Variants in PRPF18 observed in about 807,000 individuals in gnomAD.
The protein encoded by PRPF18 is pre-mRNA-splicing factor 18.
Under a neutral mutation model 46.5 loss-of-function variants are expected in PRPF18, and 38 were observed. That is an observed-to-expected ratio of 0.82 (90% CI 0.63 to 1.07). PRPF18 has a LOEUF of 1.07. Ranked by LOEUF, PRPF18 falls within the 50% of genes least tolerant of loss-of-function variation. PRPF18 has a pLI of 0.00. For synonymous variants in PRPF18, 152 were observed against 146.7 expected (o/e 1.04, Z -0.26); for missense variants, 263 against 410.0 (o/e 0.64, Z 3.10).
intron 8 of PRPF18, among the ~76,000 whole-genome samples, chr10:13,615,634 A>G (rs2478124): frequency 0.75 from 114,370 of 152,008 alleles, 43,797 homozygotes; most frequent in Non-Finnish European, 0.82. Context: ...CTGGCTTTAT[A>G]AGCTTCTCTT....
chr10:13,654,683 T>C, the PRPF18 span: 41 of 599,778 alleles, frequency 6.8e-5, no homozygotes, highest in Non-Finnish European at 1.2e-4. Context: ...ATGGTCACAG[T>C]GGGCAACCAT....
rs1589129624 is a variant in PRPF18, at chr10:13,611,504, A to G, written c.511-111A>G. ...GAAATTCCATCCGATTTTTAAGTAA[A>G]AATTGAACAGCATATGTGACCAAGA... On this transcript the variant is annotated intron_variant, in intron 5 of 9. Transcript: ENST00000378572. 3 of 822,084 alleles carry G rather than the reference A, an allele frequency of 3.6e-6. No individual in the cohort carries two copies. In the African/African-American group the frequency reaches 5.3e-5, roughly 15 times the overall value. 50.9% of individuals were successfully genotyped at this position (822,084 alleles called of 1,614,324 possible). A position where few individuals can be genotyped will look rare whatever the true frequency, so the allele number is the denominator to read the frequency against.
At chr10:13,611,449 C>A (rs1049031376) in intron 5 of PRPF18, among the ~76,000 whole-genome samples, 166 bp from the exon 6 acceptor site, 1 of 152,116 alleles carries the variant, frequency 6.6e-6, no homozygotes, top group Non-Finnish European at 1.5e-5. Flanking sequence ...AGTGGCAAAT[C>A]CGTGTTTTTT....
chr10:13,612,581 C>T (rs1033162473), intron 6 of PRPF18, among the ~76,000 whole-genome samples: 1 of 150,002 alleles, frequency 6.7e-6, no homozygotes, highest in African/African-American at 2.4e-5. Context: ...CACAGTGTCC[C>T]GCTGAATTTC....
Position 13,586,969 on chromosome 10 carries a change from G to T in PRPF18, c.-118G>T, listed in dbSNP as rs1378728434. 2 of 1,058,306 alleles carry T rather than the reference G, an allele frequency of 1.9e-6. No homozygotes were observed. The highest frequency in any genetic ancestry group is 1.6e-5 in the African/African-American group (1 of 63,996). The allele number at this position is 1,058,306 out of a possible 1,614,324, so 65.6% of individuals were successfully genotyped here. ...CCGCCGGAAGCGGCTCCTGTCAGTT[G>T]TTCTCAGGTGTTTGGGCTTGTTGTT... On this transcript the variant is annotated 5_prime_UTR_variant, in exon 1 of 10. Transcript: ENST00000378572.
intron 9 of PRPF18, among the ~76,000 whole-genome samples, chr10:13,623,726 T>TA (rs1413440963): frequency 6.6e-5 from 10 of 152,216 alleles, no homozygotes; most frequent in Non-Finnish European, 1.0e-4. Flanking sequence ...TCTGCAATAA[T>TA]AAAAAAATTG....
At chr10:13,604,054 C>A (rs1159382811) in intron 3 of PRPF18, among the ~76,000 whole-genome samples, 1 of 152,188 alleles carries the variant, frequency 6.6e-6, no homozygotes, top group Admixed American at 6.5e-5. Context: ...ACATCTCTGT[C>A]TAAACAATGG....
At chr10:13,604,119 G>C (rs992513296) in intron 3 of PRPF18, among the ~76,000 whole-genome samples, 12 of 152,192 alleles carry the variant, frequency 7.9e-5, no homozygotes, top group Non-Finnish European at 1.8e-4. Flanking sequence ...CCAGGGATCT[G>C]ACAAGGGTGT....
At chr10:13,652,232 T>G in the PRPF18 span, 3 of 526,250 alleles carry the variant, frequency 5.7e-6, no homozygotes, top group South Asian at 4.8e-5. Flanking sequence ...GCAAACAGTT[T>G]ATGCCAAGAA....
intron 1 of PRPF18, chr10:13,592,375 C>T (rs761872085): frequency 1.1e-5 from 3 of 263,172 alleles, no homozygotes; most frequent in South Asian, 1.0e-4. Flanking sequence ...TTAGAAAACA[C>T]GGGTCAGGGA....
chr10:13,652,243 C>A, the PRPF18 span: 1 of 502,616 alleles, frequency 2.0e-6, no homozygotes, highest in Non-Finnish European at 3.6e-6. Context: ...ATGCCAAGAA[C>A]CAAAATTGCT....
the PRPF18 span, chr10:13,645,357 A>G: frequency 4.6e-5 from 1 of 21,840 alleles, no homozygotes; most frequent in Non-Finnish European, 1.0e-4. Context: ...AAAAAATTCC[A>G]CCCCCACCCC....
chr10:13,647,488 G>A, the PRPF18 span: 1 of 151,916 alleles, frequency 6.6e-6, no homozygotes, highest in Admixed American at 6.5e-5. Context: ...ACAGCTGCCC[G>A]GGTTGTCCTC....
At chr10:13,650,708 CCTAA>C in the PRPF18 span, among the ~76,000 whole-genome samples, 1 of 152,172 alleles carries the variant, frequency 6.6e-6, no homozygotes. Context: ...GCAATATTGT[CCTAA>C]CTTACTTTTC....
intron 3 of PRPF18, among the ~76,000 whole-genome samples, chr10:13,603,642 G>T (rs2080146607): frequency 6.6e-6 from 1 of 152,134 alleles, no homozygotes; most frequent in South Asian, 2.1e-4. Context: ...GTCCTCAGTA[G>T]TCTCTTCCTG....
intron 1 of PRPF18, among the ~76,000 whole-genome samples, chr10:13,595,467 T>C (rs2080020548): frequency 6.6e-6 from 1 of 152,238 alleles, no homozygotes; most frequent in Non-Finnish European, 1.5e-5. Context: ...ATGACAATTA[T>C]ATACTACCTA....
intron 2 of PRPF18, among the ~76,000 whole-genome samples, chr10:13,598,208 G>A (rs1173480868): frequency 2.0e-5 from 3 of 152,122 alleles, no homozygotes; most frequent in South Asian, 4.1e-4. Flanking sequence ...AGTTGATAAT[G>A]TATTGTGGTT....
chr10:13,621,722 A>G (rs911838490), intron 9 of PRPF18, among the ~76,000 whole-genome samples: 2 of 152,210 alleles, frequency 1.3e-5, no homozygotes, highest in African/African-American at 4.8e-5. Context: ...TAGAAGATTA[A>G]GGAATAATAA....
In PRPF18 at chr10:13,613,897, A is replaced by T; in HGVS notation, c.720+16A>T. On this transcript the variant is annotated intron_variant, in intron 7 of 9. Coordinates refer to ENST00000378572, the MANE Select transcript of PRPF18 (RefSeq NM_003675.4). ...ACGGAAAAGGGTGAGGTTTCTTGGA[A>T]AATACTTTTTTTAACTGACTTTAAA... 1 of 1,593,244 alleles carries T rather than the reference A, an allele frequency of 6.3e-7. No homozygotes were observed. The highest frequency in any genetic ancestry group is 8.5e-7 in the Non-Finnish European group (1 of 1,174,450).
Sources: gnomAD v4.1 joint callset for allele counts (sites outside exome capture counted in the v4.1 genomes callset) on GRCh38, gnomAD v4.1.1 for gene constraint, MANE v1.5 for transcripts, NCBI Gene and HGNC (gene_info 2026-07-23, HGNC 2026-07-21) for gene names.